PCDHA3: variants seen among roughly 807,000 people sequenced by gnomAD.
PCDHA3 encodes protocadherin alpha-3.
A neutral mutation model predicts 62.2 loss-of-function variants in PCDHA3; 41 were observed. The observed-to-expected ratio is 0.66, with a 90% confidence interval of 0.51 to 0.86. The LOEUF is 0.86. Ranked by LOEUF, PCDHA3 falls within the 40% of genes least tolerant of loss-of-function variation. PCDHA3 has a pLI of 0.00. For missense variants in PCDHA3, 1,304 were observed against 1,241.2 expected (o/e 1.05, Z -0.76); for synonymous variants, 640 against 555.4 (o/e 1.15, Z -2.14).
At chr5:140,928,367 C>T (rs781897390) in intron 1 of PCDHA3, 1 of 1,614,170 alleles carries the variant, frequency 6.2e-7, no homozygotes, top group East Asian at 2.2e-5. Context: ...TCTGAAGGGC[C>T]ATCAGCCTCT....
intron 1 of PCDHA3, among the ~76,000 whole-genome samples, chr5:140,941,213 TCC>T (rs1491191685): frequency 2.4e-4 from 26 of 106,900 alleles, no homozygotes; most frequent in African/African-American, 9.0e-4. Context: ...CTTTCTTTCT[TCC>T]TTTCTTTCTT....
At chr5:140,870,732 T>A (rs782731773) in intron 1 of PCDHA3, 10 of 1,613,288 alleles carry the variant, frequency 6.2e-6, no homozygotes, top group East Asian at 2.2e-5. Flanking sequence ...GCGTGCCGCC[T>A]CTGAGCAGCA....
At chr5:140,833,468 A>G (rs1554133857) in intron 1 of PCDHA3, among the ~76,000 whole-genome samples, 1 of 152,220 alleles carries the variant, frequency 6.6e-6, no homozygotes, top group African/African-American at 2.4e-5. Context: ...CTTACATTTT[A>G]AAAGAAATAA....
intron 1 of PCDHA3, chr5:140,808,888 G>T (rs556570330): frequency 8.1e-6 from 13 of 1,613,250 alleles, no homozygotes; most frequent in Non-Finnish European, 1.1e-5. Flanking sequence ...CACTGCTAGC[G>T]CCTCGGGCGG....
At chr5:140,861,327 T>C (rs1363614329) in intron 1 of PCDHA3, 2 of 243,212 alleles carry the variant, frequency 8.2e-6, no homozygotes, top group Middle Eastern at 1.5e-3. Flanking sequence ...CACTACACCA[T>C]CCTGGAAGAG....
chr5:140,836,420 G>T, intron 1 of PCDHA3: 1 of 1,613,810 alleles, frequency 6.2e-7, no homozygotes. Flanking sequence ...CAAAGGCGTC[G>T]TCGCGGGCAT....
chr5:140,949,409 A>G (rs547419161), intron 1 of PCDHA3, among the ~76,000 whole-genome samples: 1 of 151,896 alleles, frequency 6.6e-6, no homozygotes, highest in African/African-American at 2.4e-5. Flanking sequence ...AAAATCACCT[A>G]TCATCATTGT....
At chr5:140,828,813 C>T in intron 1 of PCDHA3, 1 of 1,614,220 alleles carries the variant, frequency 6.2e-7, no homozygotes. Flanking sequence ...AATGCTCCCA[C>T]TTTCGAACAG....
At chr5:140,966,971 C>G (rs375161984) in intron 1 of PCDHA3, 1 of 1,602,808 alleles carries the variant, frequency 6.2e-7, no homozygotes, top group Non-Finnish European at 8.5e-7. Flanking sequence ...GGGGCTTGAG[C>G]TGCGGCGCTT....
Position 140,870,243 on chromosome 5 carries a change from C to A in PCDHA3, c.2394+66652C>A, listed in dbSNP as rs782592982. 3.1e-6 allele frequency: 5 copies of A among 1,614,176 alleles called. No homozygotes were observed. The East Asian group carries it at 6.7e-5, about 22-fold the overall frequency. On this transcript the variant is annotated intron_variant, in intron 1 of 3. Transcript: ENST00000522353. Reference sequence around the variant, plus strand: ...GCGTGTCTGACCGTGACTCAGGTGTCAACGGACAGGTGACCTGCTCGCTGA... The same window carrying A: ...GCGTGTCTGACCGTGACTCAGGTGTAAACGGACAGGTGACCTGCTCGCTGA...
chr5:140,966,960 T>C, intron 1 of PCDHA3: 1 of 1,603,106 alleles, frequency 6.2e-7, no homozygotes, highest in Non-Finnish European at 8.5e-7. Context: ...GCTCGCGCGC[T>C]GGGGCTTGAG....
intron 1 of PCDHA3, chr5:140,807,221 C>T (rs1763864756): frequency 3.1e-6 from 5 of 1,614,044 alleles, no homozygotes; most frequent in Non-Finnish European, 4.2e-6. Context: ...CCAGGAATCC[C>T]GGCGTCTGCT....
At chr5:140,813,163 A>G (rs1312537923) in intron 1 of PCDHA3, 2 of 152,282 alleles carry the variant, frequency 1.3e-5, no homozygotes, top group Non-Finnish European at 1.5e-5. Context: ...CATTTCAGCT[A>G]TAGTGTTGTT....
rs782560612 is a variant in PCDHA3 at position 140,802,731 on chromosome 5, G to A, written c.1534G>A (p.Ala512Thr). ...GCTGTCGAGCTACGTGTCGGTACACGCGGAGAGCGGCAAGGTGTACGCGCT... is the reference window on the plus strand; with the variant it reads ...GCTGTCGAGCTACGTGTCGGTACACACGGAGAGCGGCAAGGTGTACGCGCT... ...RALSSYVSVH[A>T]ESGKVYALQP... is the part of the protein sequence containing the mutation. Residue 512 changes from alanine (A) to threonine (T), a missense_variant, in exon 1 of 4, where the codon GCG becomes ACG. Ala to Thr is a moderately conservative substitution (Grantham distance 58). Transcript: ENST00000522353. 3 of 1,612,422 alleles carry A rather than the reference G, an allele frequency of 1.9e-6. No homozygotes were observed. The highest frequency in any genetic ancestry group is 3.3e-5 in the Admixed American group (2 of 60,006).
intron 1 of PCDHA3, chr5:140,927,919 C>G (rs782561454): frequency 6.2e-7 from 1 of 1,614,216 alleles, no homozygotes; most frequent in Non-Finnish European, 8.5e-7. Context: ...ACTGGACTTC[C>G]TGACTCTTTC....
chr5:140,921,364 T>G (rs2080173595), intron 1 of PCDHA3, among the ~76,000 whole-genome samples: 1 of 152,196 alleles, frequency 6.6e-6, no homozygotes, highest in Non-Finnish European at 1.5e-5. Flanking sequence ...TATTCAAGTT[T>G]CATATTTCTA....
At chr5:140,911,396 G>C (rs1348303429) in intron 1 of PCDHA3, among the ~76,000 whole-genome samples, 1 of 152,104 alleles carries the variant, frequency 6.6e-6, no homozygotes, top group Non-Finnish European at 1.5e-5. Context: ...TTTCATTGCA[G>C]GTCAGCCACT....
rs1554122248 is a variant in PCDHA3 at position 140,802,619 on chromosome 5, C to T, written c.1422C>T (p.Ile474=). The T allele has an allele frequency of 1.2e-6, 2 of 1,614,010 alleles. No homozygotes were observed. The highest frequency in any genetic ancestry group is 8.5e-7 in the Non-Finnish European group (1 of 1,179,950). ...VKENNPPGCH[I]FTVSARDADA... The stretch of plus-strand genomic sequence containing the variant: ...AGAACAACCCGCCGGGCTGCCACAT[C>T]TTCACGGTGTCTGCGCGGGACGCGG... The change falls in exon 1 of 4, where the codon ATC becomes ATT. Residue 474 remains isoleucine (I), a synonymous_variant. Transcript: ENST00000522353.
intron 1 of PCDHA3, among the ~76,000 whole-genome samples, chr5:140,819,274 A>G (rs1207712720): frequency 1.3e-5 from 2 of 152,218 alleles, no homozygotes; most frequent in East Asian, 1.9e-4. Flanking sequence ...TTCTATAGAT[A>G]AGAGAAGAAA....
Sources: gnomAD v4.1 joint callset for allele counts (sites outside exome capture counted in the v4.1 genomes callset) on GRCh38, gnomAD v4.1.1 for gene constraint, MANE v1.5 for transcripts, NCBI Gene and HGNC (gene_info 2026-07-23, HGNC 2026-07-21) for gene names.